The following ADAM23 variants were observed in gnomAD, a reference collection of about 807,000 sequenced individuals.
The protein encoded by ADAM23 is disintegrin and metalloproteinase domain-containing protein 23.
ADAM23 carries 33 observed loss-of-function variants against 120.1 expected under a neutral mutation model. The observed-to-expected ratio is 0.27, with a 90% CI of 0.21 to 0.37. The LOEUF (loss-of-function observed/expected upper bound fraction) is 0.37. Ranked by LOEUF, ADAM23 falls within the 10% of genes least tolerant of loss-of-function variation. ADAM23 has a pLI of 1.00. For missense variants in ADAM23, 862 were observed against 1,058.2 expected, an observed-to-expected ratio of 0.81 and a Z score of 2.57; for synonymous variants, 367 against 375.2, an observed-to-expected ratio of 0.98 and a Z score of 0.25.
intron 2 of ADAM23, among the ~76,000 whole-genome samples, chr2:206,463,702 A>G (rs1695476360): frequency 6.6e-6 from 1 of 152,206 alleles, no homozygotes; most frequent in Non-Finnish European, 1.5e-5. Context: ...CTGTGTGCAT[A>G]TGTTAATGAC....
intron 2 of ADAM23, among the ~76,000 whole-genome samples, chr2:206,471,480 C>CT (rs996127927): frequency 6.4e-4 from 96 of 151,166 alleles, no homozygotes; most frequent in African/African-American, 2.1e-3. Flanking sequence ...TCACATGAGG[C>CT]TTTTTTTTTC....
intron 25 of ADAM23, among the ~76,000 whole-genome samples, chr2:206,614,020 C>T (rs952675455): frequency 2.0e-4 from 31 of 152,094 alleles, no homozygotes; most frequent in African/African-American, 6.8e-4. Flanking sequence ...CCAGTGATAC[C>T]GTAACACCTC....
intron 4 of ADAM23, among the ~76,000 whole-genome samples, chr2:206,535,926 A>G (rs998183641): frequency 6.6e-6 from 1 of 152,222 alleles, no homozygotes; most frequent in Non-Finnish European, 1.5e-5. Flanking sequence ...ATATGCGAAG[A>G]AAAACACTGA....
chr2:206,583,660 C>T (rs1429102086), intron 18 of ADAM23, among the ~76,000 whole-genome samples: 1 of 152,016 alleles, frequency 6.6e-6, no homozygotes, highest in East Asian at 1.9e-4. Flanking sequence ...ATTGCTGAGA[C>T]TTTCCAGAGC....
intron 18 of ADAM23, among the ~76,000 whole-genome samples, chr2:206,577,488 C>T (rs900996091): frequency 7.0e-6 from 1 of 142,490 alleles, no homozygotes; most frequent in African/African-American, 2.6e-5. Flanking sequence ...GTTCAGTTCC[C>T]ACCTATGAGT....
intron 18 of ADAM23, among the ~76,000 whole-genome samples, chr2:206,577,315 G>C (rs1698133708): frequency 1.4e-5 from 2 of 147,812 alleles, no homozygotes; most frequent in African/African-American, 5.0e-5. Flanking sequence ...ACATTGTGCA[G>C]GTTAGTTACA....
chr2:206,599,011 C>T (rs1412512117), intron 24 of ADAM23, among the ~76,000 whole-genome samples: 2 of 151,812 alleles, frequency 1.3e-5, no homozygotes, highest in Non-Finnish European at 2.9e-5. Flanking sequence ...TTGAGACCAG[C>T]CTGGCCAACA....
chr2:206,614,869 AAATGAG>A (rs1350644697), intron 25 of ADAM23, among the ~76,000 whole-genome samples: 2 of 152,168 alleles, frequency 1.3e-5, no homozygotes, highest in Non-Finnish European at 2.9e-5. Flanking sequence ...TCCCAGTTCA[AAATGAG>A]AAGCCTGATT....
At chr2:206,468,145 A>G (rs926507441) in intron 2 of ADAM23, among the ~76,000 whole-genome samples, 11 of 151,906 alleles carry the variant, frequency 7.2e-5, no homozygotes, top group Non-Finnish European at 1.5e-4. Flanking sequence ...CTTTTTTCCC[A>G]TTGTCTTGGC....
chr2:206,540,810 A>G (rs140698049), intron 4 of ADAM23, among the ~76,000 whole-genome samples: 71 of 152,164 alleles, frequency 4.7e-4, no homozygotes, highest in African/African-American at 1.5e-3. Context: ...GTGGAGCCAG[A>G]TAAGCAGATA....
chr2:206,478,546 G>A (rs532401207), intron 2 of ADAM23, among the ~76,000 whole-genome samples: 7 of 152,134 alleles, frequency 4.6e-5, no homozygotes, highest in African/African-American at 9.6e-5. Context: ...TGATGATGGC[G>A]TGTGCCAGAA....
intron 13 of ADAM23, among the ~76,000 whole-genome samples, chr2:206,564,137 T>C (rs935702173): frequency 6.6e-6 from 1 of 152,024 alleles, no homozygotes; most frequent in African/African-American, 2.4e-5. Flanking sequence ...CATATACCTC[T>C]CTCTCTCTAT....
At chr2:206,486,682 C>T (rs1559229367) in intron 3 of ADAM23, among the ~76,000 whole-genome samples, 2 of 152,140 alleles carry the variant, frequency 1.3e-5, no homozygotes, top group African/African-American at 4.8e-5. Context: ...TCTTCCTCCT[C>T]TTTCTCCTTT....
intron 2 of ADAM23, among the ~76,000 whole-genome samples, chr2:206,453,188 G>C (rs1004113184): frequency 6.6e-6 from 1 of 152,152 alleles, no homozygotes; most frequent in African/African-American, 2.4e-5. Flanking sequence ...GTCCATAGCA[G>C]GTTATAATTT....
At chr2:206,486,235 G>A (rs1215279358) in intron 3 of ADAM23, among the ~76,000 whole-genome samples, 1 of 152,054 alleles carries the variant, frequency 6.6e-6, no homozygotes, top group African/African-American at 2.4e-5. Flanking sequence ...TCCTCTCAGG[G>A]TGCTCCTCTT....
At chr2:206,546,031 A>T (rs978195297) in intron 6 of ADAM23, among the ~76,000 whole-genome samples, 36 of 152,252 alleles carry the variant, frequency 2.4e-4, no homozygotes, top group Admixed American at 2.0e-4. Context: ...TTAAACTGTC[A>T]TAAGGATTTA....
At chr2:206,600,253 T>C (rs920018674) in intron 24 of ADAM23, among the ~76,000 whole-genome samples, 10 of 152,158 alleles carry the variant, frequency 6.6e-5, no homozygotes, top group African/African-American at 2.4e-4. Context: ...ATGATCCAAC[T>C]GGTTTGGTTG....
chr2:206,553,240 C>T (rs1197848004), intron 9 of ADAM23, among the ~76,000 whole-genome samples: 1 of 152,034 alleles, frequency 6.6e-6, no homozygotes, highest in African/African-American at 2.4e-5. Flanking sequence ...TATATACACA[C>T]ACACACATAT....
At chr2:206,496,406 G>T (rs1409799919) in intron 3 of ADAM23, among the ~76,000 whole-genome samples, 2 of 152,188 alleles carry the variant, frequency 1.3e-5, no homozygotes, top group Admixed American at 1.3e-4. Flanking sequence ...TAACTACTGG[G>T]TACATAACGA....
Sources: allele counts gnomAD v4.1 joint callset (sites outside exome capture counted in the v4.1 genomes callset), GRCh38; gene constraint gnomAD v4.1.1; transcripts MANE v1.5; gene names NCBI Gene and HGNC (gene_info 2026-07-23, HGNC 2026-07-21).